The following GALC variants were observed in gnomAD, a reference collection of about 807,000 sequenced individuals.
GALC encodes galactocerebrosidase.
GALC carries 77 observed loss-of-function variants against 91.8 expected under a neutral mutation model. The ratio of observed to expected loss-of-function variants is 0.84; its 90% CI spans 0.70 to 1.01. GALC has a LOEUF of 1.01. Among genes scored for constraint, GALC ranks in the 50% least tolerant of loss-of-function variants. GALC has a pLI of 0.00. For missense variants in GALC, 882 were observed against 855.9 expected, an observed-to-expected ratio of 1.03 and a Z score of -0.38; for synonymous variants, 357 against 306.7, an observed-to-expected ratio of 1.16 and a Z score of -1.71.
intron 10 of GALC, among the ~76,000 whole-genome samples, chr14:87,955,541 T>A (rs887396776): frequency 6.7e-6 from 1 of 150,106 alleles, no homozygotes; most frequent in Non-Finnish European, 1.5e-5. Flanking sequence ...AGGGAAGACA[T>A]TCCCTCAGAA....
chr14:87,968,313 TA>T, intron 8 of GALC, 21 bp downstream of exon 8: 1 of 1,592,160 alleles, frequency 6.3e-7, no homozygotes, highest in Non-Finnish European at 8.6e-7. Flanking sequence ...ATAAGAACTC[TA>T]AAAGGTTTTT....
intron 6 of GALC, among the ~76,000 whole-genome samples, chr14:87,981,903 A>T (rs551536075): frequency 6.6e-6 from 1 of 152,298 alleles, no homozygotes; most frequent in South Asian, 2.1e-4. Context: ...AAATGATATA[A>T]TTGTTTCATA....
chr14:87,966,846 C>G (rs1362955518), intron 8 of GALC, among the ~76,000 whole-genome samples: 2 of 152,116 alleles, frequency 1.3e-5, no homozygotes, highest in African/African-American at 4.8e-5. Context: ...TTGTACAAAG[C>G]TATTAATTAA....
intron 14 of GALC, among the ~76,000 whole-genome samples, chr14:87,944,635 T>C (rs1274990440): frequency 6.6e-6 from 1 of 152,022 alleles, no homozygotes; most frequent in African/African-American, 2.4e-5. Context: ...TTATAAGGGT[T>C]CCAGGGGCTC....
rs1317712702 is a variant in GALC at position 87,992,994 on chromosome 14, G to A, written c.171C>T (p.Gly57=). 6.5e-7 allele frequency: 1 copy of A among 1,534,568 alleles called. No individual in the cohort carries two copies. Reference sequence around the variant, plus strand: ...CCCCGCCGCCGCTGACCGCGCCGATGCCGTCGAACTCCCGGCCCAGCCCGT... The same window carrying A: ...CCCCGCCGCCGCTGACCGCGCCGATACCGTCGAACTCCCGGCCCAGCCCGT... The part of the protein sequence containing the change: ...DSDGLGREFD[G]IGAVSGGGAT... Residue 57 remains glycine (G), a synonymous_variant, in exon 1 of 17, where the codon GGC becomes GGT. Coordinates refer to ENST00000261304, the MANE Select transcript of GALC (RefSeq NM_000153.4).
chr14:87,947,192 C>T (rs1222137834), intron 13 of GALC, among the ~76,000 whole-genome samples: 1 of 151,880 alleles, frequency 6.6e-6, no homozygotes, highest in Non-Finnish European at 1.5e-5. Context: ...AACTTTTTTC[C>T]AAGTGGTTTT....
Position 87,965,669 on chromosome 14 carries a change from T to C in GALC, c.909-40A>G, listed in dbSNP as rs199667484. On this transcript the variant is annotated intron_variant, in intron 8 of 16. Transcript: ENST00000261304. ...AAAAAAGAAACACCAAGACAACTTG[T>C]GATAAAAATGTAAATGTCTAAAAAC... The C allele has an allele frequency of 3.3e-4, 523 of 1,608,964 alleles. 2 individuals carry two copies. In the African/African-American group the frequency reaches 6.5e-3, roughly 20 times the overall value.
chr14:87,939,650 G>A (rs1004137311), intron 16 of GALC, among the ~76,000 whole-genome samples: 4 of 151,686 alleles, frequency 2.6e-5, no homozygotes, highest in African/African-American at 9.7e-5. Flanking sequence ...TATCAATTAT[G>A]CCTCAGTTTA....
chr14:87,938,953 G>A (rs366888), intron 16 of GALC, among the ~76,000 whole-genome samples: 145,445 of 151,948 alleles, frequency 0.96, 69,907 homozygotes, highest in Non-Finnish European at 1. Flanking sequence ...AAGACAACAT[G>A]ATAGAAAAAT....
chr14:87,940,462 T>G (rs937516120), intron 15 of GALC, among the ~76,000 whole-genome samples: 1 of 151,848 alleles, frequency 6.6e-6, no homozygotes, highest in African/African-American at 2.4e-5. Flanking sequence ...GGACAAAATT[T>G]CAAGTAGGCG....
intron 5 of GALC, 117 bp downstream of exon 5, chr14:87,984,277 G>T: frequency 2.0e-6 from 2 of 995,620 alleles, no homozygotes; most frequent in Non-Finnish European, 3.0e-6. Flanking sequence ...GACACCATTA[G>T]AACAAATTAG....
At chr14:87,949,751 T>C (rs2139961203) in intron 12 of GALC, 94 bp downstream of exon 12, 1 of 711,410 alleles carries the variant, frequency 1.4e-6, no homozygotes, top group South Asian at 1.6e-5. Flanking sequence ...CACAAACTTA[T>C]AAAAATAAAA....
At chr14:87,953,634 C>T (rs1885400425) in intron 10 of GALC, 2 of 1,609,596 alleles carry the variant, frequency 1.2e-6, no homozygotes, top group South Asian at 1.1e-5. Context: ...GAAGCTGCAC[C>T]TCTGAAGATA....
At chr14:87,959,199 G>A (rs1473820855) in intron 10 of GALC, among the ~76,000 whole-genome samples, 2 of 152,060 alleles carry the variant, frequency 1.3e-5, no homozygotes, top group Non-Finnish European at 2.9e-5. Flanking sequence ...ACATACAAAT[G>A]GCCAATGGGT....
rs760851696 is a variant in GALC, at chr14:87,949,963, GT to G, written c.1252-33del. Reference sequence around the variant, plus strand: ...AGAAAAGACAAAAAAGCATGGCTGAGTAATTCATCACATCCTCTTTGAGGAT... The same window carrying G: ...AGAAAAGACAAAAAAGCATGGCTGAGAATTCATCACATCCTCTTTGAGGAT... On this transcript the variant is annotated intron_variant, in intron 11 of 16. Transcript: ENST00000261304. 4 of 1,074,530 alleles carry G rather than the reference GT, an allele frequency of 3.7e-6. No homozygotes were observed. In the African/African-American group the frequency reaches 6.2e-5, roughly 17 times the overall value. The allele number at this position is 1,074,530 out of a possible 1,614,324, so 66.6% of individuals were successfully genotyped here.
chr14:87,992,894 C>T, intron 1 of GALC, 76 bp downstream of exon 1: 3 of 1,439,548 alleles, frequency 2.1e-6, no homozygotes, highest in Non-Finnish European at 1.8e-6. Context: ...AGGGCAACGC[C>T]GCGGGGGCTT....
Position 87,982,246 on chromosome 14 carries a change from G to A in GALC, c.583-3C>T. On this transcript the variant is annotated splice_polypyrimidine_tract_variant and splice_region_variant and intron_variant, in intron 5 of 16. Transcript: ENST00000261304. ...TTATATGACCTCTCATTCCAAATCT[G>A]CAAAACAAAAAGTCAAAAAAGTCTG... 1 of 1,576,494 alleles carries A rather than the reference G, an allele frequency of 6.3e-7. No individual in the cohort carries two copies. The highest frequency in any genetic ancestry group is 8.7e-7 in the Non-Finnish European group (1 of 1,146,954).
At chr14:87,980,559 A>C in intron 6 of GALC, 1 of 867,178 alleles carries the variant, frequency 1.2e-6, no homozygotes, top group Non-Finnish European at 1.4e-6. Flanking sequence ...CAAAGTGGAG[A>C]GTTCCTATCC....
In GALC at chr14:87,941,480, A is replaced by G; in HGVS notation, c.1749T>C (p.Asn583=). The G allele has an allele frequency of 6.2e-7, 1 of 1,605,070 alleles. No individual in the cohort carries two copies. Among genetic ancestry groups the G allele is most frequent in the Middle Eastern group, 1.7e-4 (1 of 6,032 alleles). Residue 583 remains asparagine, a synonymous_variant, in exon 15 of 17, where the codon AAT becomes AAC. Transcript: ENST00000261304. ...CACTTCTAATCAAAATACCACCTTTATTTACTCTTCCTGCAATGAACACAC... is the reference window on the plus strand; with the variant it reads ...CACTTCTAATCAAAATACCACCTTTGTTTACTCTTCCTGCAATGAACACAC... ...TGGVFIAGRV[N]KGGILIRSAR... is the part of the protein sequence containing the mutation.
Sources: allele counts gnomAD v4.1 joint callset (sites outside exome capture counted in the v4.1 genomes callset), GRCh38; gene constraint gnomAD v4.1.1; transcripts MANE v1.5; gene names NCBI Gene and HGNC (gene_info 2026-07-23, HGNC 2026-07-21).